Variants in RGS7 observed in about 807,000 individuals in gnomAD.
The protein encoded by RGS7 is regulator of G protein signaling 7, also known as regulator of G-protein signaling 7.
A neutral mutation model predicts 81.1 loss-of-function variants in RGS7; 27 were observed. The observed-to-expected ratio is 0.33, with a 90% CI of 0.25 to 0.46. The LOEUF is 0.46. Among genes scored for constraint, RGS7 ranks in the 20% least tolerant of loss-of-function variants. The pLI, the probability that RGS7 is intolerant of heterozygous loss-of-function variation, is 1.00. For synonymous variants in RGS7, 208 were observed against 207.7 expected (o/e 1.00, Z -0.01); for missense variants, 396 against 607.4 (o/e 0.65, Z 3.66).
At chr1:241,126,098 T>G (rs2103017087) in intron 2 of RGS7, among the ~76,000 whole-genome samples, 1 of 152,234 alleles carries the variant, frequency 6.6e-6, no homozygotes, top group African/African-American at 2.4e-5. Context: ...GCTTTTGCTC[T>G]TTGAAATGGG....
intron 3 of RGS7, among the ~76,000 whole-genome samples, chr1:241,052,458 C>T (rs547501432): frequency 5.9e-4 from 90 of 152,204 alleles, no homozygotes; most frequent in African/African-American, 2.1e-3. Flanking sequence ...TGGGAAGGCA[C>T]GGCCCATGCA....
At chr1:241,266,306 A>G (rs1262056463) in intron 2 of RGS7, among the ~76,000 whole-genome samples, 4 of 152,174 alleles carry the variant, frequency 2.6e-5, no homozygotes, top group Non-Finnish European at 4.4e-5. Context: ...TTTTAAAACT[A>G]TTTTGCAGCT....
intron 2 of RGS7, among the ~76,000 whole-genome samples, chr1:241,327,155 G>GAAAAGAAAAGA (rs879555092): frequency 0.017 from 2,381 of 141,712 alleles, 235 homozygotes; most frequent in East Asian, 0.048. Flanking sequence ...AGGAAAGAAA[G>GAAAAGAAAAGA]AAAGAAAGAA....
At chr1:240,895,974 G>A (rs143585889) in intron 6 of RGS7, among the ~76,000 whole-genome samples, 19,442 of 152,058 alleles carry the variant, frequency 0.13, 1,361 homozygotes, top group Middle Eastern at 0.18. Flanking sequence ...CTTAATGATC[G>A]CCATTCTAAC....
intron 3 of RGS7, among the ~76,000 whole-genome samples, chr1:240,993,370 C>T (rs1052284581): frequency 6.6e-5 from 10 of 152,206 alleles, no homozygotes; most frequent in African/African-American, 2.4e-4. Flanking sequence ...GATTCAGTTT[C>T]TTCCCATCCT....
At chr1:240,869,528 C>G (rs895903077) in intron 7 of RGS7, among the ~76,000 whole-genome samples, 3 of 152,162 alleles carry the variant, frequency 2.0e-5, no homozygotes, top group Non-Finnish European at 4.4e-5. Flanking sequence ...CCCTTTTATA[C>G]TTTGAGTTTA....
chr1:240,934,179 GTCTCAATCTCGACCTCATGA>G (rs1188494285), intron 5 of RGS7, among the ~76,000 whole-genome samples: 2 of 152,112 alleles, frequency 1.3e-5, no homozygotes, highest in African/African-American at 4.8e-5. Flanking sequence ...GGCCAGGATG[GTCTCAATCTCGACCTCATGA>G]TCTGCCCACC....
chr1:240,942,061 C>T (rs1304534305), intron 4 of RGS7, among the ~76,000 whole-genome samples: 2 of 152,072 alleles, frequency 1.3e-5, no homozygotes, highest in Non-Finnish European at 2.9e-5. Flanking sequence ...AATCTCCAAA[C>T]ACCTCTGATT....
At chr1:240,982,614 T>TCA (rs370072323) in intron 4 of RGS7, among the ~76,000 whole-genome samples, 2 of 151,354 alleles carry the variant, frequency 1.3e-5, no homozygotes, top group East Asian at 1.9e-4. Context: ...TCTCTCTCTC[T>TCA]CACACACACA....
At chr1:241,042,871 C>T (rs1278842095) in intron 3 of RGS7, among the ~76,000 whole-genome samples, 2 of 149,274 alleles carry the variant, frequency 1.3e-5, no homozygotes, top group African/African-American at 2.5e-5. Context: ...ACCTGGGAGG[C>T]GGAGGTTGCA....
At chr1:240,891,701 A>G (rs1572628787) in intron 6 of RGS7, among the ~76,000 whole-genome samples, 1 of 152,214 alleles carries the variant, frequency 6.6e-6, no homozygotes, top group African/African-American at 2.4e-5. Context: ...AATGGAGGAA[A>G]CAAATAAGTA....
In RGS7 at chr1:241,327,073, G is replaced by A. The variant is rs1333993714; in HGVS notation, c.78+28626C>T. Among the ~76,000 whole-genome samples the A allele has an allele frequency of 3.7e-3, 105 of 28,180 alleles. 3 individuals are homozygous for A. Among genetic ancestry groups the A allele is most frequent in the Middle Eastern group, 0.022 (1 of 46 alleles). The allele number at this position is 28,180 out of a possible 152,430, so 18.5% of individuals were successfully genotyped here. ...GGAAAGGAAGGAAGAAGGAAGGAAG[G>A]AAGGAAGAGAAAGAAAGAAAGAAAG... is the stretch of plus-strand genomic sequence containing the variant. On this transcript the variant is annotated intron_variant, in intron 2 of 18. Coordinates refer to ENST00000440928, the MANE Select transcript of RGS7 (RefSeq NM_001364886.1).
chr1:241,117,244 C>T (rs12754794), intron 2 of RGS7, among the ~76,000 whole-genome samples: 29,213 of 152,100 alleles, frequency 0.19, 2,941 homozygotes, highest in African/African-American at 0.24. Context: ...GTGATACAAT[C>T]CTTTACATTT....
chr1:241,093,633 A>G (rs930517973), intron 3 of RGS7, among the ~76,000 whole-genome samples: 1 of 152,092 alleles, frequency 6.6e-6, no homozygotes, highest in Non-Finnish European at 1.5e-5. Flanking sequence ...GGGAAAAAAT[A>G]AATAAAATAA....
At chr1:241,310,115 C>T (rs113465772) in intron 2 of RGS7, among the ~76,000 whole-genome samples, 2,050 of 152,244 alleles carry the variant, frequency 0.013, 48 homozygotes, top group African/African-American at 0.047. Flanking sequence ...AGGTATACTG[C>T]CCAGGAAGAC....
At chr1:240,973,417 G>A (rs1439054042) in intron 4 of RGS7, among the ~76,000 whole-genome samples, 1 of 151,532 alleles carries the variant, frequency 6.6e-6, no homozygotes, top group Non-Finnish European at 1.5e-5. Flanking sequence ...GGCTGAGGCA[G>A]GAGAATCACT....
chr1:241,162,266 G>A (rs777695822), intron 2 of RGS7, among the ~76,000 whole-genome samples: 6 of 146,316 alleles, frequency 4.1e-5, no homozygotes, highest in Non-Finnish European at 8.9e-5. Flanking sequence ...CGCTAAGCAT[G>A]TGCACTAAGA....
intron 3 of RGS7, among the ~76,000 whole-genome samples, chr1:241,030,475 A>G (rs1039304470): frequency 7.8e-6 from 1 of 128,710 alleles, no homozygotes; most frequent in Non-Finnish European, 1.7e-5. Flanking sequence ...ACATATATGC[A>G]TGGTATGTAT....
intron 2 of RGS7, among the ~76,000 whole-genome samples, chr1:241,126,271 T>C (rs1001479366): frequency 5.3e-5 from 8 of 152,186 alleles, no homozygotes; most frequent in Admixed American, 4.6e-4. Context: ...TGCCTCAGCC[T>C]CCTGAGTAGC....
Sources: allele counts gnomAD v4.1 joint callset (sites outside exome capture counted in the v4.1 genomes callset), GRCh38; gene constraint gnomAD v4.1.1; transcripts MANE v1.5; gene names NCBI Gene and HGNC (gene_info 2026-07-23, HGNC 2026-07-21).